Variants in DRC11 observed in about 807,000 individuals in gnomAD.
DRC11 encodes dynein regulatory complex subunit 11.
the DRC11 span, among the ~76,000 whole-genome samples, chr2:236,402,648 C>G: frequency 6.6e-6 from 1 of 152,146 alleles, no homozygotes; most frequent in Non-Finnish European, 1.5e-5. The surrounding 1 kb of genome is among the most constrained non-coding windows in gnomAD (Gnocchi z 6.0). Flanking sequence ...CCAGAAACAC[C>G]AGGGGGCCCA....
the DRC11 span, among the ~76,000 whole-genome samples, chr2:236,435,508 A>G: frequency 6.6e-6 from 1 of 152,226 alleles, no homozygotes; most frequent in Non-Finnish European, 1.5e-5. Context: ...AAAAGGGTTT[A>G]ATTGACTCAC....
At chr2:236,426,703 G>A in the DRC11 span, among the ~76,000 whole-genome samples, 3 of 152,028 alleles carry the variant, frequency 2.0e-5, no homozygotes, top group African/African-American at 4.8e-5. This position sits in a 1 kb window ranked among gnomAD's most constrained non-coding sequence, Gnocchi z 4.1. Context: ...CACCGTGCCC[G>A]GCCTCTGGAT....
At chr2:236,324,692 T>A in the DRC11 span, 4 of 1,553,746 alleles carry the variant, frequency 2.6e-6, no homozygotes, top group African/African-American at 1.4e-5. This position sits in a 1 kb window ranked among gnomAD's most constrained non-coding sequence, Gnocchi z 5.7. Context: ...TTTCTTTTAT[T>A]TCCTTTTCCC....
At chr2:236,471,166 T>A in the DRC11 span, among the ~76,000 whole-genome samples, 1 of 152,216 alleles carries the variant, frequency 6.6e-6, no homozygotes, top group Non-Finnish European at 1.5e-5. The surrounding 1 kb of genome is among the most constrained non-coding windows in gnomAD (Gnocchi z 4.6). Flanking sequence ...GTCAAGGAAC[T>A]TGTCCAGGGT....
the DRC11 span, among the ~76,000 whole-genome samples, chr2:236,354,227 C>T: frequency 5.8e-3 from 334 of 57,590 alleles, 3 homozygotes; most frequent in Middle Eastern, 7.2e-3. Flanking sequence ...TGTGCATGTG[C>T]GTATGTTAGT....
chr2:236,500,238 T>C, the DRC11 span, among the ~76,000 whole-genome samples: 57 of 152,264 alleles, frequency 3.7e-4, no homozygotes, highest in Non-Finnish European at 6.3e-4. This position sits in a 1 kb window ranked among gnomAD's most constrained non-coding sequence, Gnocchi z 6.3. Context: ...TAGTCCAGTT[T>C]ATATATGAGA....
At chr2:236,480,666 A>G in the DRC11 span, among the ~76,000 whole-genome samples, 2 of 152,142 alleles carry the variant, frequency 1.3e-5, no homozygotes, top group Non-Finnish European at 2.9e-5. Context: ...TTTCCTTAAA[A>G]TTGCTATTTG....
chr2:236,478,589 T>C, the DRC11 span, among the ~76,000 whole-genome samples: 2 of 152,170 alleles, frequency 1.3e-5, no homozygotes, highest in African/African-American at 2.4e-5. This position sits in a 1 kb window ranked among gnomAD's most constrained non-coding sequence, Gnocchi z 5.9. Context: ...GTTTCTTTGT[T>C]GATTTTCTGT....
the DRC11 span, among the ~76,000 whole-genome samples, chr2:236,491,717 G>T: frequency 6.6e-6 from 1 of 152,164 alleles, no homozygotes; most frequent in Non-Finnish European, 1.5e-5. Context: ...GAGCCCAGTG[G>T]TGAAAGGATG....
chr2:236,372,212 C>T, the DRC11 span, among the ~76,000 whole-genome samples: 1 of 152,168 alleles, frequency 6.6e-6, no homozygotes. The surrounding 1 kb of genome is among the most constrained non-coding windows in gnomAD (Gnocchi z 4.5). Flanking sequence ...ATCATTCTAT[C>T]TATAGCATTC....
chr2:236,391,969 C>T, the DRC11 span: 4 of 1,612,598 alleles, frequency 2.5e-6, no homozygotes, highest in African/African-American at 1.3e-5. The surrounding 1 kb of genome is among the most constrained non-coding windows in gnomAD (Gnocchi z 4.5). Context: ...GCTCCTTCCC[C>T]ACTCACCTTG....
At chr2:236,433,115 C>G in the DRC11 span, among the ~76,000 whole-genome samples, 1 of 151,664 alleles carries the variant, frequency 6.6e-6, no homozygotes, top group Non-Finnish European at 1.5e-5. Context: ...ATTGATGTGC[C>G]TTTTTAGTCT....
the DRC11 span, chr2:236,367,998 C>A: frequency 1.6e-6 from 1 of 618,922 alleles, no homozygotes; most frequent in Middle Eastern, 4.4e-4. The surrounding 1 kb of genome is among the most constrained non-coding windows in gnomAD (Gnocchi z 4.8). Context: ...AGAGAGGGTG[C>A]AGAAGTGCTC....
the DRC11 span, among the ~76,000 whole-genome samples, chr2:236,330,612 G>C: frequency 1.3e-5 from 2 of 152,218 alleles, no homozygotes; most frequent in African/African-American, 4.8e-5. The surrounding 1 kb of genome is among the most constrained non-coding windows in gnomAD (Gnocchi z 5.5). Context: ...GATAGGCTTG[G>C]ATGGGAATTT....
chr2:236,341,020 T>C, the DRC11 span, among the ~76,000 whole-genome samples: 1 of 152,104 alleles, frequency 6.6e-6, no homozygotes, highest in Admixed American at 6.5e-5. Flanking sequence ...CCTGGCCACC[T>C]CCAAAACCGC....
chr2:236,371,064 C>T, the DRC11 span, among the ~76,000 whole-genome samples: 65,642 of 151,990 alleles, frequency 0.43, 14,696 homozygotes, highest in African/African-American at 0.5. This position sits in a 1 kb window ranked among gnomAD's most constrained non-coding sequence, Gnocchi z 5.1. Flanking sequence ...TGGATCTGTG[C>T]AGAGCATTCC....
chr2:236,496,178 A>G, the DRC11 span, among the ~76,000 whole-genome samples: 1 of 152,220 alleles, frequency 6.6e-6, no homozygotes, highest in Non-Finnish European at 1.5e-5. This position sits in a 1 kb window ranked among gnomAD's most constrained non-coding sequence, Gnocchi z 6.3. Flanking sequence ...TGATTGGCCC[A>G]TGCTCTTATA....
At chr2:236,471,148 A>T in the DRC11 span, among the ~76,000 whole-genome samples, 2 of 152,214 alleles carry the variant, frequency 1.3e-5, no homozygotes, top group African/African-American at 4.8e-5. This position sits in a 1 kb window ranked among gnomAD's most constrained non-coding sequence, Gnocchi z 4.6. Flanking sequence ...AAATCGAGGT[A>T]CACAGAAGTC....
chr2:236,423,212 A>C, the DRC11 span, among the ~76,000 whole-genome samples: 1 of 151,952 alleles, frequency 6.6e-6, no homozygotes, highest in South Asian at 2.1e-4. Flanking sequence ...GGATCTAATT[A>C]AACTAAAGAG....
Sources: allele counts gnomAD v4.1 joint callset (sites outside exome capture counted in the v4.1 genomes callset), GRCh38; gene constraint gnomAD v4.1.1; non-coding constraint Gnocchi (gnomAD v3.1); transcripts MANE v1.5; gene names NCBI Gene and HGNC (gene_info 2026-07-23, HGNC 2026-07-21).